The following NCKAP5 variants were observed in gnomAD, a reference collection of about 807,000 sequenced individuals.
NCKAP5 encodes the protein NCK associated protein 5, also known as nck-associated protein 5.
NCKAP5 carries 92 observed loss-of-function variants against 167.0 expected under a neutral mutation model. That is an observed-to-expected ratio of 0.55 (90% CI 0.47 to 0.66). The LOEUF (loss-of-function observed/expected upper bound fraction) is 0.66, where lower values mean the gene tolerates loss of function less well. NCKAP5 is among the 30% of genes least tolerant of loss of function. The pLI is 0.00. For missense variants in NCKAP5, 2,378 were observed against 2,315.0 expected, an observed-to-expected ratio of 1.03 and a Z score of -0.56; for synonymous variants, 891 against 877.4, an observed-to-expected ratio of 1.02 and a Z score of -0.27.
the NCKAP5 span, among the ~76,000 whole-genome samples, chr2:133,647,749 G>GAAGGAAGGAAGGAAGGAAGGA: frequency 7.2e-6 from 1 of 139,070 alleles, no homozygotes; most frequent in Non-Finnish European, 1.6e-5. Context: ...AGGAAGGAAG[G>GAAGGAAGGAAGGAAGGAAGGA]AAAGAAAAGA....
intron 8 of NCKAP5, among the ~76,000 whole-genome samples, chr2:132,958,325 C>G (rs1314141432): frequency 6.6e-6 from 1 of 152,136 alleles, no homozygotes; most frequent in Non-Finnish European, 1.5e-5. Flanking sequence ...GTCCTAGGCA[C>G]CTACCCTAGA....
rs528859210 is a variant in NCKAP5 at position 132,695,245 on chromosome 2, T to C, written c.5714-21940A>G. Among the ~76,000 whole-genome samples the C allele has an allele frequency of 7.2e-5, 11 of 152,160 alleles. 1 individual carries two copies. In the South Asian group the frequency reaches 1.5e-3, roughly 20 times the overall value. ...GTTGTGGATCCATGTCTGTCAAATC[T>C]ATGCTTATTGTGAAGGAAGAAGTCT... On this transcript the variant is annotated intron_variant, in intron 19 of 19. Coordinates refer to ENST00000409261, the MANE Select transcript of NCKAP5 (RefSeq NM_207363.3).
chr2:133,136,427 A>G (rs986287795), intron 5 of NCKAP5, among the ~76,000 whole-genome samples: 1 of 152,246 alleles, frequency 6.6e-6, no homozygotes, highest in Admixed American at 6.5e-5. Flanking sequence ...CATATCAGGC[A>G]TAACAAGAGG....
chr2:133,481,233 G>A (rs1680400004), intron 3 of NCKAP5, among the ~76,000 whole-genome samples: 1 of 152,134 alleles, frequency 6.6e-6, no homozygotes, highest in Non-Finnish European at 1.5e-5. Flanking sequence ...GTGATTCACG[G>A]TGTTTCTGCC....
At chr2:132,869,025 G>T in intron 9 of NCKAP5, 51 bp from the exon 10 acceptor site, 3 of 1,293,948 alleles carry the variant, frequency 2.3e-6, no homozygotes, top group Non-Finnish European at 2.1e-6. Context: ...GACTTTATAT[G>T]CACCGACTCT....
chr2:133,121,245 G>A (rs1434033234), intron 6 of NCKAP5, among the ~76,000 whole-genome samples: 1 of 152,124 alleles, frequency 6.6e-6, no homozygotes, highest in Non-Finnish European at 1.5e-5. Context: ...AAAAGGAAGG[G>A]ATGGACAGTA....
At chr2:132,696,520 G>A (rs755469262) in intron 19 of NCKAP5, among the ~76,000 whole-genome samples, 2 of 152,094 alleles carry the variant, frequency 1.3e-5, no homozygotes, top group African/African-American at 2.4e-5. Context: ...CTTCACTGAG[G>A]TAGATTCTCT....
chr2:132,845,620 A>G (rs1688604101), intron 11 of NCKAP5, among the ~76,000 whole-genome samples: 1 of 152,110 alleles, frequency 6.6e-6, no homozygotes. Context: ...CTCCTCCCTC[A>G]ATCTATTTAT....
intron 16 of NCKAP5, among the ~76,000 whole-genome samples, chr2:132,745,001 G>A (rs1356627943): frequency 1.3e-5 from 2 of 151,744 alleles, no homozygotes; most frequent in Non-Finnish European, 3.0e-5. Context: ...AGGCCTAGAT[G>A]TCTTCACTAT....
In NCKAP5 at chr2:132,811,255, G is replaced by A. The variant is rs148586118; in HGVS notation, c.808-14526C>T. Among the ~76,000 whole-genome samples, 215 of 152,304 alleles carry A rather than the reference G, an allele frequency of 1.4e-3. 1 individual carries two copies. The highest frequency in any genetic ancestry group is 4.9e-3 in the African/African-American group (204 of 41,554). ...TTTGTGTTGGTTGGCCTCCTGCTAGGAGGTGGCGCTTTCCAGAAAGCATCA... is the reference window on the plus strand; with the variant it reads ...TTTGTGTTGGTTGGCCTCCTGCTAGAAGGTGGCGCTTTCCAGAAAGCATCA... On this transcript the variant is annotated intron_variant, in intron 11 of 19. Coordinates refer to ENST00000409261, the MANE Select transcript of NCKAP5 (RefSeq NM_207363.3).
intron 6 of NCKAP5, among the ~76,000 whole-genome samples, chr2:133,063,040 G>A (rs1310632429): frequency 6.6e-6 from 1 of 152,186 alleles, no homozygotes; most frequent in African/African-American, 2.4e-5. Flanking sequence ...AGAAGAGGCA[G>A]GCAAAACCCA....
chr2:133,486,302 A>G (rs1280463882), intron 3 of NCKAP5, among the ~76,000 whole-genome samples: 1 of 152,210 alleles, frequency 6.6e-6, no homozygotes, highest in African/African-American at 2.4e-5. Context: ...TTTAAAGAAG[A>G]AAGGTCTTAG....
At chr2:133,128,360 T>G (rs1486768616) in intron 6 of NCKAP5, among the ~76,000 whole-genome samples, 2 of 152,222 alleles carry the variant, frequency 1.3e-5, no homozygotes, top group Admixed American at 1.3e-4. Flanking sequence ...ATGCAGATTG[T>G]CCTTCACAAG....
At chr2:133,351,790 T>A (rs1248371396) in intron 3 of NCKAP5, among the ~76,000 whole-genome samples, 1 of 152,146 alleles carries the variant, frequency 6.6e-6, no homozygotes, top group African/African-American at 2.4e-5. Context: ...CAGGAAAGCA[T>A]GTCTGCTTTC....
intron 8 of NCKAP5, among the ~76,000 whole-genome samples, chr2:132,955,615 C>G (rs1322704215): frequency 6.6e-6 from 1 of 152,138 alleles, no homozygotes; most frequent in African/African-American, 2.4e-5. Context: ...CTGTAGTAAA[C>G]ATACATGTGC....
intron 2 of NCKAP5, among the ~76,000 whole-genome samples, chr2:133,555,602 T>TA (rs1464567082): frequency 6.6e-6 from 1 of 152,256 alleles, no homozygotes; most frequent in East Asian, 1.9e-4. Flanking sequence ...AACTTCTCTT[T>TA]AACTTCCATT....
At chr2:133,291,776 G>A (rs115915412) in intron 4 of NCKAP5, among the ~76,000 whole-genome samples, 1,573 of 152,320 alleles carry the variant, frequency 0.01, 27 homozygotes, top group African/African-American at 0.036. Flanking sequence ...TCCCACGCAT[G>A]TTCTCCGCCC....
chr2:133,088,573 A>G (rs2081071125), intron 6 of NCKAP5, among the ~76,000 whole-genome samples: 1 of 152,246 alleles, frequency 6.6e-6, no homozygotes, highest in East Asian at 1.9e-4. Flanking sequence ...ACTGTGTCAT[A>G]TAATTTATGG....
chr2:133,170,226 G>A (rs1339008132), intron 5 of NCKAP5, among the ~76,000 whole-genome samples: 4 of 152,084 alleles, frequency 2.6e-5, no homozygotes, highest in South Asian at 2.1e-4. Flanking sequence ...ATTGTGCAAC[G>A]GCTGGGAACG....
Sources: allele counts gnomAD v4.1 joint callset (sites outside exome capture counted in the v4.1 genomes callset), GRCh38; gene constraint gnomAD v4.1.1; transcripts MANE v1.5; gene names NCBI Gene and HGNC (gene_info 2026-07-23, HGNC 2026-07-21).